Variants in RNGTT observed in about 807,000 individuals in gnomAD.
RNGTT encodes the protein RNA guanylyltransferase and 5'-phosphatase.
In RNGTT, 33 loss-of-function variants were observed where a neutral mutation model predicts 79.3. The ratio of observed to expected loss-of-function variants is 0.42; its 90% confidence interval spans 0.32 to 0.56. The LOEUF is 0.56. RNGTT is among the 20% of genes least tolerant of loss of function. RNGTT has a pLI of 0.17. For synonymous variants in RNGTT, 222 were observed against 235.9 expected, an observed-to-expected ratio of 0.94 and a Z score of 0.54; for missense variants, 497 against 739.1, an observed-to-expected ratio of 0.67 and a Z score of 3.80.
intron 14 of RNGTT, among the ~76,000 whole-genome samples, chr6:88,667,403 CAAAA>C (rs1774458252): frequency 6.6e-6 from 1 of 152,128 alleles, no homozygotes; most frequent in African/African-American, 2.4e-5. Context: ...CGGCCCTTGC[CAAAA>C]CAGTAACAGC....
At chr6:88,958,097 T>C (rs1186833981) in intron 1 of RNGTT, among the ~76,000 whole-genome samples, 2 of 152,278 alleles carry the variant, frequency 1.3e-5, no homozygotes, top group East Asian at 3.9e-4. Flanking sequence ...AACTGATCTT[T>C]GACAAAGCAA....
At chr6:88,838,482 C>A (rs2127895701) in intron 11 of RNGTT, among the ~76,000 whole-genome samples, 1 of 151,942 alleles carries the variant, frequency 6.6e-6, no homozygotes, top group Middle Eastern at 3.4e-3. Context: ...CTATATACTA[C>A]CAATAGTCAG....
intron 12 of RNGTT, among the ~76,000 whole-genome samples, chr6:88,798,751 T>A (rs1028893568): frequency 3.3e-5 from 5 of 152,320 alleles, no homozygotes; most frequent in Admixed American, 2.0e-4. Context: ...AAAACCTGTT[T>A]ATGATTTTAA....
chr6:88,770,900 C>T (rs1396133785), intron 12 of RNGTT, among the ~76,000 whole-genome samples: 1 of 152,048 alleles, frequency 6.6e-6, no homozygotes, highest in Non-Finnish European at 1.5e-5. Flanking sequence ...TATCTGTATA[C>T]CTTCTTTGGT....
chr6:88,945,733 T>C (rs1299073039), intron 1 of RNGTT, among the ~76,000 whole-genome samples: 2 of 152,146 alleles, frequency 1.3e-5, no homozygotes, highest in African/African-American at 2.4e-5. Context: ...GTTTCTCTTG[T>C]AGTTGAGTGA....
At chr6:88,827,693 G>A (rs1228947951) in intron 11 of RNGTT, among the ~76,000 whole-genome samples, 3 of 152,164 alleles carry the variant, frequency 2.0e-5, no homozygotes, top group African/African-American at 4.8e-5. Context: ...TGGGATGCTG[G>A]AGCTTGGTGG....
intron 8 of RNGTT, among the ~76,000 whole-genome samples, chr6:88,873,840 C>T (rs926197160): frequency 1.2e-4 from 19 of 152,226 alleles, no homozygotes; most frequent in Admixed American, 7.9e-4. Flanking sequence ...GAAAAAGTTT[C>T]AACTACTACC....
At chr6:88,695,091 A>G (rs1198967572) in intron 13 of RNGTT, among the ~76,000 whole-genome samples, 1 of 152,206 alleles carries the variant, frequency 6.6e-6, no homozygotes, top group Non-Finnish European at 1.5e-5. Flanking sequence ...CAAAAACTAC[A>G]TAACATTGGT....
intron 11 of RNGTT, among the ~76,000 whole-genome samples, chr6:88,839,627 GTTTA>G (rs1204839061): frequency 6.6e-6 from 1 of 152,048 alleles, no homozygotes; most frequent in Non-Finnish European, 1.5e-5. Flanking sequence ...AAATAAATGT[GTTTA>G]TTTATTGCTA....
intron 11 of RNGTT, among the ~76,000 whole-genome samples, chr6:88,818,692 G>A (rs1316839241): frequency 6.6e-6 from 1 of 152,194 alleles, no homozygotes; most frequent in Non-Finnish European, 1.5e-5. Context: ...AATTCATTAC[G>A]AGTATGATAA....
intron 11 of RNGTT, among the ~76,000 whole-genome samples, chr6:88,834,512 T>G (rs1380225458): frequency 1.3e-5 from 2 of 152,208 alleles, no homozygotes; most frequent in African/African-American, 4.8e-5. Flanking sequence ...AAAATGCAGT[T>G]GCACCATTAT....
At chr6:88,755,563 G>A (rs1327091104) in intron 13 of RNGTT, among the ~76,000 whole-genome samples, 2 of 152,164 alleles carry the variant, frequency 1.3e-5, no homozygotes, top group South Asian at 4.2e-4. Flanking sequence ...AGCTAGGGGG[G>A]AATGGGTGGT....
At chr6:88,787,176 C>A (rs371036101) in intron 12 of RNGTT, among the ~76,000 whole-genome samples, 3 of 152,176 alleles carry the variant, frequency 2.0e-5, no homozygotes, top group South Asian at 2.1e-4. Context: ...AATTAAGCCA[C>A]CTTTAAATAA....
In RNGTT at chr6:88,779,763, C is replaced by T. The variant is rs567824118; in HGVS notation, c.1339-9889G>A. Among the ~76,000 whole-genome samples, 174 of 152,224 alleles carry T rather than the reference C, an allele frequency of 1.1e-3. 4 individuals are homozygous for T. Among genetic ancestry groups the T allele is most frequent in the African/African-American group, 4.0e-3 (165 of 41,526 alleles). On this transcript the variant is annotated intron_variant, in intron 12 of 15. Coordinates refer to ENST00000369485, the MANE Select transcript of RNGTT (RefSeq NM_003800.5). ...ATCCCAGCACTTTGAGAAGCCAAGGCGGGCAGATCACCTGAGGTCAGGAGT... is the reference window on the plus strand; with the variant it reads ...ATCCCAGCACTTTGAGAAGCCAAGGTGGGCAGATCACCTGAGGTCAGGAGT...
chr6:88,677,715 G>C (rs1774928662), intron 14 of RNGTT, among the ~76,000 whole-genome samples: 2 of 151,914 alleles, frequency 1.3e-5, no homozygotes, highest in African/African-American at 4.8e-5. Context: ...TTCCAGCCCT[G>C]ACCCTCCCAC....
chr6:88,941,396 T>C (rs1382395469), intron 1 of RNGTT, among the ~76,000 whole-genome samples: 4 of 152,098 alleles, frequency 2.6e-5, no homozygotes, highest in African/African-American at 9.7e-5. Context: ...GTCTCCCAAG[T>C]AGCTAGGATT....
At chr6:88,669,691 C>T (rs1774556304) in intron 14 of RNGTT, among the ~76,000 whole-genome samples, 1 of 152,272 alleles carries the variant, frequency 6.6e-6, no homozygotes, top group East Asian at 1.9e-4. Flanking sequence ...GGACATAGAG[C>T]CTATGCCAAG....
intron 8 of RNGTT, among the ~76,000 whole-genome samples, chr6:88,874,108 T>C (rs1782439076): frequency 6.6e-6 from 1 of 152,126 alleles, no homozygotes; most frequent in Non-Finnish European, 1.5e-5. Context: ...AGTGTCTTCA[T>C]TAGACTTCAA....
chr6:88,705,290 A>C (rs2127804154), intron 13 of RNGTT, among the ~76,000 whole-genome samples: 1 of 152,320 alleles, frequency 6.6e-6, no homozygotes, highest in South Asian at 2.1e-4. Flanking sequence ...CAAACAAAAA[A>C]TGACACATAT....
Sources: gnomAD v4.1 joint callset for allele counts (sites outside exome capture counted in the v4.1 genomes callset) on GRCh38, gnomAD v4.1.1 for gene constraint, MANE v1.5 for transcripts, NCBI Gene and HGNC (gene_info 2026-07-23, HGNC 2026-07-21) for gene names.